CTNNA2: variants seen among roughly 807,000 people sequenced by gnomAD.
CTNNA2 encodes catenin alpha-2.
CTNNA2 carries 42 observed loss-of-function variants against 101.0 expected under a neutral mutation model. That is an observed-to-expected ratio of 0.42 (90% CI 0.32 to 0.54). The LOEUF is 0.54. Among genes scored for constraint, CTNNA2 ranks in the 20% least tolerant of loss-of-function variants. The probability of loss-of-function intolerance (pLI) is 0.14; values close to 1 mark genes in which losing one functional copy is unlikely to be tolerated. For synonymous variants in CTNNA2, 450 were observed against 456.4 expected (o/e 0.99, Z 0.18); for missense variants, 871 against 1,223.1 (o/e 0.71, Z 4.29).
At chr2:79,596,231 GC>G (rs1475200960) in intron 1 of CTNNA2, among the ~76,000 whole-genome samples, 1 of 152,010 alleles carries the variant, frequency 6.6e-6, no homozygotes, top group African/African-American at 2.4e-5. Flanking sequence ...CTTAGCAGGT[GC>G]TTAATGAATG....
At chr2:79,413,321 G>A (rs1385676036) in intron 4 of CTNNA2, among the ~76,000 whole-genome samples, 1 of 151,978 alleles carries the variant, frequency 6.6e-6, no homozygotes, top group East Asian at 1.9e-4. Context: ...ATCTTTTTGT[G>A]CCTGTCTTAT....
At chr2:79,718,792 C>G (rs1488085990) in intron 2 of CTNNA2, among the ~76,000 whole-genome samples, 1 of 150,208 alleles carries the variant, frequency 6.7e-6, no homozygotes, top group South Asian at 2.1e-4. Context: ...GGTAAATGTA[C>G]AGCAAATATT....
At chr2:80,545,198 T>G in intron 10 of CTNNA2, 124 bp downstream of exon 10, 2 of 848,956 alleles carry the variant, frequency 2.4e-6, no homozygotes, top group Non-Finnish European at 3.6e-6. Flanking sequence ...TTATGAGCTG[T>G]TTCAAGTTCT....
chr2:79,620,773 A>G (rs1253612181), intron 1 of CTNNA2, among the ~76,000 whole-genome samples: 3 of 152,174 alleles, frequency 2.0e-5, no homozygotes, highest in African/African-American at 4.8e-5. Flanking sequence ...AGGCAGCCAT[A>G]GATATGTATA....
intron 7 of CTNNA2, among the ~76,000 whole-genome samples, chr2:80,235,449 G>A (rs1242293970): frequency 6.6e-6 from 1 of 152,176 alleles, no homozygotes; most frequent in Non-Finnish European, 1.5e-5. Context: ...CCAAGTGTGG[G>A]GCTGCCTGGC....
intron 3 of CTNNA2, among the ~76,000 whole-genome samples, chr2:79,799,256 T>C (rs1675968644): frequency 1.3e-5 from 2 of 152,074 alleles, no homozygotes; most frequent in South Asian, 4.1e-4. Context: ...AAACATTGTA[T>C]GTATGCTTAT....
intron 2 of CTNNA2, among the ~76,000 whole-genome samples, chr2:79,683,423 C>T (rs1252770906): frequency 6.6e-6 from 1 of 152,128 alleles, no homozygotes. Flanking sequence ...CTTTGGAAGT[C>T]AAAGATAAAA....
chr2:80,156,578 A>C (rs967503969), intron 7 of CTNNA2, among the ~76,000 whole-genome samples: 1 of 152,244 alleles, frequency 6.6e-6, no homozygotes, highest in African/African-American at 2.4e-5. Flanking sequence ...CTCACACATC[A>C]TGTCCCCTTT....
intron 7 of CTNNA2, among the ~76,000 whole-genome samples, chr2:80,058,464 A>G (rs539415192): frequency 6.6e-6 from 1 of 152,214 alleles, no homozygotes; most frequent in Admixed American, 6.5e-5. Flanking sequence ...ATTTCCAGTT[A>G]TTTTCTGAGA....
intron 7 of CTNNA2, among the ~76,000 whole-genome samples, chr2:80,349,473 T>C (rs1391574591): frequency 1.3e-5 from 2 of 152,166 alleles, no homozygotes; most frequent in East Asian, 3.9e-4. Context: ...AGGGGAGTTC[T>C]GGCCCCAGGT....
At chr2:79,572,091 G>A (rs550521018) in intron 1 of CTNNA2, among the ~76,000 whole-genome samples, 20 of 152,146 alleles carry the variant, frequency 1.3e-4, no homozygotes, top group East Asian at 9.7e-4. Flanking sequence ...TTGTATTGAC[G>A]TTTAATTTTT....
intron 7 of CTNNA2, among the ~76,000 whole-genome samples, chr2:80,311,909 A>T (rs1417673381): frequency 2.0e-5 from 3 of 152,226 alleles, no homozygotes; most frequent in African/African-American, 7.2e-5. Flanking sequence ...CACTTTACCA[A>T]GACATTCCAA....
chr2:80,059,891 C>G (rs568238547), intron 7 of CTNNA2, among the ~76,000 whole-genome samples: 2 of 152,210 alleles, frequency 1.3e-5, no homozygotes, highest in East Asian at 3.9e-4. Flanking sequence ...CATTCAGGAA[C>G]AAATTCCCCA....
At chr2:79,759,574 C>T (rs1026265773) in intron 3 of CTNNA2, among the ~76,000 whole-genome samples, 3 of 152,110 alleles carry the variant, frequency 2.0e-5, no homozygotes, top group Non-Finnish European at 2.9e-5. Flanking sequence ...TCAGTTGCAT[C>T]ACATAAAGTT....
chr2:79,673,351 G>A (rs1352283139), intron 2 of CTNNA2, among the ~76,000 whole-genome samples: 2 of 152,102 alleles, frequency 1.3e-5, no homozygotes, highest in Non-Finnish European at 2.9e-5. Context: ...ACATTTTAAA[G>A]TGAACGGTTA....
intron 3 of CTNNA2, among the ~76,000 whole-genome samples, chr2:79,332,948 G>GAA (rs11427153): frequency 1.5e-3 from 234 of 151,068 alleles, no homozygotes; most frequent in African/African-American, 5.1e-3. Context: ...GCTCTAAATG[G>GAA]AAAAAAAAAT....
At chr2:79,651,441 G>C in intron 1 of CTNNA2, 111 bp from the exon 2 acceptor site, 2 of 979,372 alleles carry the variant, frequency 2.0e-6, no homozygotes, top group Non-Finnish European at 1.6e-6. Context: ...GGACCAGAGA[G>C]GCTATCTTCC....
At chr2:80,288,607 G>T (rs568620008) in intron 7 of CTNNA2, 23 of 152,300 alleles carry the variant, frequency 1.5e-4, no homozygotes, top group African/African-American at 5.3e-4. Context: ...ACTGCCTCTG[G>T]ACTGGCCCAG....
At chr2:79,349,027 A>G (rs1263681796) in intron 3 of CTNNA2, among the ~76,000 whole-genome samples, 1 of 152,252 alleles carries the variant, frequency 6.6e-6, no homozygotes, top group Non-Finnish European at 1.5e-5. Flanking sequence ...ATATTAAGAT[A>G]GAAGTCATGA....
Sources: gnomAD v4.1 joint callset for allele counts (sites outside exome capture counted in the v4.1 genomes callset) on GRCh38, gnomAD v4.1.1 for gene constraint, MANE v1.5 for transcripts, NCBI Gene and HGNC (gene_info 2026-07-23, HGNC 2026-07-21) for gene names.